The following CPEB4 variants were observed in gnomAD, a reference collection of about 807,000 sequenced individuals.
CPEB4 encodes cytoplasmic polyadenylation element binding protein 4, also known as cytoplasmic polyadenylation element-binding protein 4.
A neutral mutation model predicts 72.5 loss-of-function variants in CPEB4; 12 were observed. That is an observed-to-expected ratio of 0.17 (90% CI 0.11 to 0.27). CPEB4 has a LOEUF of 0.27. Ranked by LOEUF, CPEB4 falls within the 10% of genes least tolerant of loss-of-function variation. The pLI, the probability that CPEB4 is intolerant of heterozygous loss-of-function variation, is 1.00. For synonymous variants in CPEB4, 302 were observed against 326.3 expected, an observed-to-expected ratio of 0.93 and a Z score of 0.80; for missense variants, 614 against 908.5, an observed-to-expected ratio of 0.68 and a Z score of 4.17.
At chr5:173,945,874 T>G (rs1283926894) in intron 5 of CPEB4, among the ~76,000 whole-genome samples, 1 of 152,232 alleles carries the variant, frequency 6.6e-6, no homozygotes, top group East Asian at 1.9e-4. Flanking sequence ...AGGAATATGC[T>G]ATTCATCCGT....
At chr5:173,919,283 G>A (rs1756992157) in intron 2 of CPEB4, among the ~76,000 whole-genome samples, 1 of 152,068 alleles carries the variant, frequency 6.6e-6, no homozygotes. Context: ...TTTACCATCT[G>A]GACAGGCAAA....
intron 2 of CPEB4, among the ~76,000 whole-genome samples, chr5:173,931,003 A>G (rs1757428560): frequency 1.3e-5 from 2 of 151,958 alleles, no homozygotes; most frequent in Non-Finnish European, 2.9e-5. Context: ...AAAAAAAAAA[A>G]AAAAAAATTG....
intron 5 of CPEB4, among the ~76,000 whole-genome samples, chr5:173,947,636 T>C (rs982035007): frequency 1.3e-5 from 2 of 152,184 alleles, no homozygotes; most frequent in African/African-American, 4.8e-5. Flanking sequence ...GTTGGAGTCA[T>C]ATTGAAAATA....
intron 1 of CPEB4, among the ~76,000 whole-genome samples, chr5:173,905,822 GA>G (rs1302838018): frequency 6.6e-6 from 1 of 152,108 alleles, no homozygotes; most frequent in Non-Finnish European, 1.5e-5. Context: ...GACATGTTAG[GA>G]TATCAAAAAG....
intron 1 of CPEB4, among the ~76,000 whole-genome samples, chr5:173,908,327 G>A (rs993187756): frequency 1.3e-5 from 2 of 152,202 alleles, no homozygotes; most frequent in African/African-American, 4.8e-5. Flanking sequence ...TCCGGTGGAA[G>A]AGGTGGGGCA....
At chr5:173,897,272 T>C (rs1756050308) in intron 1 of CPEB4, among the ~76,000 whole-genome samples, 1 of 152,220 alleles carries the variant, frequency 6.6e-6, no homozygotes, top group African/African-American at 2.4e-5. Flanking sequence ...ACAGTTGTTT[T>C]ATTAAGAACT....
intron 1 of CPEB4, among the ~76,000 whole-genome samples, chr5:173,902,356 G>T (rs1756267007): frequency 1.3e-5 from 2 of 152,172 alleles, no homozygotes; most frequent in Non-Finnish European, 2.9e-5. Context: ...AATAGAATGA[G>T]TCAAGGGATA....
chr5:173,894,271 C>T (rs184000003), intron 1 of CPEB4, among the ~76,000 whole-genome samples: 10 of 152,168 alleles, frequency 6.6e-5, no homozygotes, highest in South Asian at 2.1e-4. Context: ...TGTGAGCCAC[C>T]GTGCCTGACT....
Position 173,960,397 on chromosome 5 carries a change from T to C in CPEB4, c.*4260T>C, listed in dbSNP as rs762600094. On this transcript the variant is annotated 3_prime_UTR_variant, in exon 10 of 10. Transcript: ENST00000265085. ...GTAACATTTTAAAATATTAGGAATA[T>C]ACTGTTCAGCTAATGCAGCACAAAC... The C allele has an allele frequency of 1.3e-5, 2 of 152,668 alleles. No homozygotes were observed. Among genetic ancestry groups the C allele is most frequent in the African/African-American group, 2.4e-5 (1 of 41,454 alleles). 9.5% of individuals were successfully genotyped at this position (152,668 alleles called of 1,614,324 possible).
chr5:173,924,916 T>C (rs917263835), intron 2 of CPEB4, among the ~76,000 whole-genome samples: 1 of 152,124 alleles, frequency 6.6e-6, no homozygotes, highest in Non-Finnish European at 1.5e-5. Flanking sequence ...AAACAAGTAA[T>C]GTAAATATGG....
chr5:173,921,200 T>G (rs1289732310), intron 2 of CPEB4, among the ~76,000 whole-genome samples: 1 of 152,218 alleles, frequency 6.6e-6, no homozygotes, highest in African/African-American at 2.4e-5. Flanking sequence ...TTTTTTTGTT[T>G]TTGTTCTGTT....
chr5:173,943,905 T>G (rs535833058), intron 4 of CPEB4, among the ~76,000 whole-genome samples: 7 of 152,192 alleles, frequency 4.6e-5, no homozygotes, highest in African/African-American at 7.2e-5. Context: ...AACAAATTCC[T>G]CATGTAGTAC....
chr5:173,958,792 T>G lies in CPEB4; in HGVS notation c.*2655T>G, dbSNP rs1224880404. ...TAAAATTATTCATAAAATGCAGACATTTTTGGTGAATGTTTAGCCATTTTT... is the reference window on the plus strand; with the variant it reads ...TAAAATTATTCATAAAATGCAGACAGTTTTGGTGAATGTTTAGCCATTTTT... On this transcript the variant is annotated 3_prime_UTR_variant, in exon 10 of 10. Transcript: ENST00000265085. The G allele has an allele frequency of 6.6e-6, 1 of 152,634 alleles. No individual in the cohort carries two copies. The highest frequency in any genetic ancestry group is 1.9e-4 in the East Asian group (1 of 5,254). The allele number at this position is 152,634 out of a possible 1,614,324, so 9.5% of individuals were successfully genotyped here.
rs573773308 is a variant in CPEB4, at chr5:173,901,459, C to T, written c.1126-9064C>T. On this transcript the variant is annotated intron_variant, in intron 1 of 9. Transcript: ENST00000265085. Reference sequence around the variant, plus strand: ...ATGCTGTTAAATGTGGTCCCTCCTGCTTCAGATAATTACCACTTTAACTTT... The same window carrying T: ...ATGCTGTTAAATGTGGTCCCTCCTGTTTCAGATAATTACCACTTTAACTTT... 2.0e-5 allele frequency among the ~76,000 whole-genome samples: 3 copies of T among 152,350 alleles called. No homozygotes were observed. In the South Asian group the frequency reaches 6.2e-4, roughly 32 times the overall value.
Position 173,890,441 on chromosome 5 carries a change from C to T in CPEB4, c.708C>T (p.His236=). 2 of 1,613,028 alleles carry T rather than the reference C, an allele frequency of 1.2e-6. No homozygotes were observed. Among genetic ancestry groups the T allele is most frequent in the East Asian group, 2.2e-5 (1 of 44,870 alleles). ...IGPLSQHHPH[H]PHFQHHHSQH... is the part of the protein sequence containing the mutation. ...CTCTCTCACAGCACCACCCACATCA[C>T]CCTCATTTCCAGCATCATCACAGCC... The change falls in exon 1 of 10, where the codon CAC becomes CAT. Residue 236 remains histidine, a synonymous_variant. Coordinates refer to ENST00000265085, the MANE Select transcript of CPEB4 (RefSeq NM_030627.4).
At position 173,960,918 on chromosome 5, in the gene CPEB4, T is replaced by C. The variant is rs2113323538; in HGVS notation, c.*4781T>C. Reference sequence around the variant, plus strand: ...ACTACCAAGTGCTGTAATGTGTTAGTATTTATATTTTAAACTGCATTCTCA... The same window carrying C: ...ACTACCAAGTGCTGTAATGTGTTAGCATTTATATTTTAAACTGCATTCTCA... On this transcript the variant is annotated 3_prime_UTR_variant, in exon 10 of 10. Transcript: ENST00000265085. 1 of 152,366 alleles carries C rather than the reference T, an allele frequency of 6.6e-6. No individual in the cohort carries two copies. The highest frequency in any genetic ancestry group is 6.5e-5 in the Admixed American group (1 of 15,308). 9.4% of individuals were successfully genotyped at this position (152,366 alleles called of 1,614,324 possible).
intron 1 of CPEB4, among the ~76,000 whole-genome samples, chr5:173,905,662 T>G (rs1407982758): frequency 6.6e-6 from 1 of 152,192 alleles, no homozygotes; most frequent in Non-Finnish European, 1.5e-5. Flanking sequence ...TTCTTACTAA[T>G]TGATCACTGA....
rs12515625 is a variant in CPEB4 at position 173,950,466 on chromosome 5, A to T, written c.1665+388A>T. Among the ~76,000 whole-genome samples the T allele has an allele frequency of 6.6e-6, 1 of 151,812 alleles. No homozygotes were observed. Among genetic ancestry groups the T allele is most frequent in the South Asian group, 2.1e-4 (1 of 4,814 alleles). On this transcript the variant is annotated intron_variant, in intron 7 of 9. Transcript: ENST00000265085. The surrounding 1 kb of genome is among the most constrained non-coding windows in gnomAD (Gnocchi z 5.0). ...CTGAAAATACAAAAATTAGCCAGGC[A>T]TGGTGGCGCACATCTGTAGTCCCAG...
At chr5:173,942,891 C>T in intron 3 of CPEB4, 135 bp from the exon 4 acceptor site, 1 of 818,054 alleles carries the variant, frequency 1.2e-6, no homozygotes, top group Non-Finnish European at 1.8e-6. Context: ...TAGACATTTA[C>T]CAGGAAATGA....
Sources: gnomAD v4.1 joint callset for allele counts (sites outside exome capture counted in the v4.1 genomes callset) on GRCh38, gnomAD v4.1.1 for gene constraint, Gnocchi (gnomAD v3.1) non-coding constraint, MANE v1.5 for transcripts, NCBI Gene and HGNC (gene_info 2026-07-23, HGNC 2026-07-21) for gene names.